The following OR9Q1 variants were observed in gnomAD, a reference collection of about 807,000 sequenced individuals.
OR9Q1 encodes olfactory receptor family 9 subfamily Q member 1, also known as olfactory receptor 9Q1.
For synonymous variants in OR9Q1, 153 were observed against 148.6 expected, an observed-to-expected ratio of 1.03 and a Z score of -0.22; for missense variants, 374 against 378.8, an observed-to-expected ratio of 0.99 and a Z score of 0.11.
intron 2 of OR9Q1, among the ~76,000 whole-genome samples, chr11:58,088,181 A>G (rs985085116): frequency 6.6e-6 from 1 of 151,888 alleles, no homozygotes; most frequent in African/African-American, 2.4e-5. Flanking sequence ...ATAGTATTCC[A>G]TGGGGTATAT....
intron 2 of OR9Q1, among the ~76,000 whole-genome samples, chr11:58,099,903 T>C (rs546690260): frequency 6.6e-6 from 1 of 152,344 alleles, no homozygotes; most frequent in Non-Finnish European, 1.5e-5. Context: ...ATAGCTGTGC[T>C]TAAGTTACAA....
At chr11:58,124,840 C>G (rs12804808) in intron 2 of OR9Q1, among the ~76,000 whole-genome samples, 39,899 of 152,076 alleles carry the variant, frequency 0.26, 5,627 homozygotes, top group Middle Eastern at 0.41. Context: ...AACCATTTAT[C>G]GAACATCTTC....
intron 2 of OR9Q1, among the ~76,000 whole-genome samples, chr11:58,107,447 T>C (rs1032466765): frequency 2.0e-5 from 3 of 152,204 alleles, no homozygotes; most frequent in Non-Finnish European, 4.4e-5. Flanking sequence ...GAACTCATCC[T>C]TTTTTATGGC....
Position 58,091,902 on chromosome 11 carries a change from C to T in OR9Q1, c.-15+35955C>T, listed in dbSNP as rs112926283. 8.5e-3 allele frequency among the ~76,000 whole-genome samples: 1,288 copies of T among 151,252 alleles called. 21 individuals carry two copies. The highest frequency in any genetic ancestry group is 0.03 in the African/African-American group (1,237 of 41,276). ...CCCTTTACCATTATGTAATACCCTT[C>T]TTTGTCTTTTTTGATCTTTCTTGGT... is the stretch of plus-strand genomic sequence containing the variant. On this transcript the variant is annotated intron_variant, in intron 2 of 2. Transcript: ENST00000335397.
At chr11:58,029,398 G>A (rs1250763991) in intron 1 of OR9Q1, among the ~76,000 whole-genome samples, 2 of 152,110 alleles carry the variant, frequency 1.3e-5, no homozygotes, top group East Asian at 1.9e-4. Flanking sequence ...CAAGTCCCGG[G>A]CCTGGAACCT....
intron 2 of OR9Q1, among the ~76,000 whole-genome samples, chr11:58,152,507 A>T (rs756575523): frequency 2.0e-5 from 3 of 152,176 alleles, no homozygotes; most frequent in Non-Finnish European, 4.4e-5. Context: ...TTATTAAAGA[A>T]CTTCAGAATC....
chr11:58,107,735 C>A (rs1170647090), intron 2 of OR9Q1, among the ~76,000 whole-genome samples: 1 of 147,958 alleles, frequency 6.8e-6, no homozygotes, highest in Non-Finnish European at 1.5e-5. Flanking sequence ...TGTGGGATGT[C>A]TTTCTATTTA....
intron 2 of OR9Q1, among the ~76,000 whole-genome samples, chr11:58,077,041 G>A (rs944942182): frequency 1.3e-5 from 2 of 152,178 alleles, no homozygotes; most frequent in Admixed American, 6.6e-5. Context: ...GAAACATTAG[G>A]TAAGGATGTT....
At chr11:58,156,672 G>A (rs1854411149) in intron 2 of OR9Q1, among the ~76,000 whole-genome samples, 1 of 152,126 alleles carries the variant, frequency 6.6e-6, no homozygotes, top group Non-Finnish European at 1.5e-5. Context: ...GAACAACATT[G>A]TAATATCTCA....
At chr11:58,107,249 C>T (rs1185938724) in intron 2 of OR9Q1, among the ~76,000 whole-genome samples, 2 of 152,130 alleles carry the variant, frequency 1.3e-5, no homozygotes, top group South Asian at 2.1e-4. Context: ...TCTCCTAATG[C>T]TATCCCTTCC....
In OR9Q1 at chr11:58,042,626, C is replaced by A. The variant is rs895190494; in HGVS notation, c.-92-13244C>A. On this transcript the variant is annotated intron_variant, in intron 1 of 2. Transcript: ENST00000335397. ...TTGGCTTAGGATTGACTTGGCGATG[C>A]GGGCTCTTTTTTGTTTCCATATGAA... 5.3e-5 allele frequency among the ~76,000 whole-genome samples: 8 copies of A among 150,094 alleles called. No individual in the cohort carries two copies. In the East Asian group the frequency reaches 1.4e-3, roughly 25 times the overall value.
chr11:58,055,576 A>G (rs964501570), intron 1 of OR9Q1, among the ~76,000 whole-genome samples: 1 of 152,106 alleles, frequency 6.6e-6, no homozygotes, highest in Non-Finnish European at 1.5e-5. Flanking sequence ...AGGCAGAAGG[A>G]TCACTTGAGA....
At chr11:58,113,261 G>A (rs1021136982) in intron 2 of OR9Q1, among the ~76,000 whole-genome samples, 1 of 152,204 alleles carries the variant, frequency 6.6e-6, no homozygotes, top group Non-Finnish European at 1.5e-5. Context: ...GAACAATGAA[G>A]TCCAGAGAAG....
At chr11:58,084,661 C>T (rs1316387256) in intron 2 of OR9Q1, among the ~76,000 whole-genome samples, 1 of 151,860 alleles carries the variant, frequency 6.6e-6, no homozygotes, top group Non-Finnish European at 1.5e-5. Context: ...AAATGTGATT[C>T]ATCACATAAA....
intron 2 of OR9Q1, chr11:58,109,196 C>A (rs758813472): frequency 3.4e-5 from 16 of 475,776 alleles, no homozygotes; most frequent in Admixed American, 2.1e-4. Flanking sequence ...TGCAGAATGG[C>A]CCCTGACACC....
At position 58,179,604 on chromosome 11, in the gene OR9Q1, C is replaced by T; in HGVS notation, c.160C>T (p.Gln54Ter). 1.2e-6 allele frequency: 2 copies of T among 1,613,436 alleles called. No homozygotes were observed. The highest frequency in any genetic ancestry group is 1.7e-6 in the Non-Finnish European group (2 of 1,179,552). The change falls in exon 3 of 3, where the codon CAG becomes TAG. Residue 54 changes from glutamine (Q) to a stop codon, truncating the protein, a stop_gained. Coordinates refer to ENST00000335397, the MANE Select transcript of OR9Q1 (RefSeq NM_001005212.4). LOFTEE classifies it low-confidence loss of function (END_TRUNC). ...EMIILILMDH[Q>*]LHAPMYFLLS... ...GATTATTCTGATCCTCATGGATCAC[C>T]AGCTCCACGCTCCAATGTATTTCCT...
In OR9Q1 at chr11:58,101,271, C is replaced by CT. The variant is rs1388383940; in HGVS notation, c.-15+45330dup. 2.6e-5 allele frequency among the ~76,000 whole-genome samples: 4 copies of CT among 151,980 alleles called. No homozygotes were observed. In the East Asian group the frequency reaches 7.7e-4, roughly 29 times the overall value. On this transcript the variant is annotated intron_variant, in intron 2 of 2. Coordinates refer to ENST00000335397, the MANE Select transcript of OR9Q1 (RefSeq NM_001005212.4). ...TTTCACCAGCAGTGTGTAAGCATTC[C>CT]TTTTTTGCCACATCCATGCCAACAT...
chr11:58,165,178 T>C (rs1208295565), intron 2 of OR9Q1, among the ~76,000 whole-genome samples: 1 of 152,236 alleles, frequency 6.6e-6, no homozygotes, highest in Non-Finnish European at 1.5e-5. Context: ...CCCTGGAAGA[T>C]AATAAGTGCC....
At chr11:58,041,695 A>G (rs1383605518) in intron 1 of OR9Q1, 1 of 152,276 alleles carries the variant, frequency 6.6e-6, no homozygotes, top group Non-Finnish European at 1.5e-5. Flanking sequence ...AGGGAGAAAG[A>G]GAAACTGGGT....
Sources: allele counts gnomAD v4.1 joint callset (sites outside exome capture counted in the v4.1 genomes callset), GRCh38; gene constraint gnomAD v4.1.1; transcripts MANE v1.5; gene names NCBI Gene and HGNC (gene_info 2026-07-23, HGNC 2026-07-21).